Variants in PPP1CB observed in about 807,000 individuals in gnomAD.
The protein encoded by PPP1CB is serine/threonine-protein phosphatase PP1-beta catalytic subunit.
A neutral mutation model predicts 43.7 loss-of-function variants in PPP1CB; 2 were observed. The observed-to-expected ratio is 0.05, with a 90% CI of 0.02 to 0.14. PPP1CB has a LOEUF of 0.14. Ranked by LOEUF, PPP1CB falls within the 10% of genes least tolerant of loss-of-function variation. The pLI is 1.00. For synonymous variants in PPP1CB, 136 were observed against 135.6 expected, an observed-to-expected ratio of 1.00 and a Z score of -0.02; for missense variants, 84 against 398.0, an observed-to-expected ratio of 0.21 and a Z score of 6.71.
chr2:28,772,680 C>T lies in PPP1CB; in HGVS notation c.53-4171C>T, dbSNP rs115161794. Among the ~76,000 whole-genome samples, 1,125 of 152,208 alleles carry T rather than the reference C, an allele frequency of 7.4e-3. 11 individuals carry two copies. The highest frequency in any genetic ancestry group is 0.026 in the African/African-American group (1,070 of 41,530). ...GAATACAGGTTGAATATTTTTTATC[C>T]AAAATGCTTGGGACCCCAAGTGTTT... is the stretch of plus-strand genomic sequence containing the variant. On this transcript the variant is annotated intron_variant, in intron 1 of 7. Transcript: ENST00000395366.
chr2:28,781,596 T>C (rs556895942), intron 3 of PPP1CB, 142 bp from the exon 4 acceptor site: 1 of 627,818 alleles, frequency 1.6e-6, no homozygotes, highest in Admixed American at 3.3e-5. Flanking sequence ...AATAACATCT[T>C]TGCATTGTAG....
chr2:28,753,555 A>G (rs536064755), intron 1 of PPP1CB, among the ~76,000 whole-genome samples: 1 of 152,336 alleles, frequency 6.6e-6, no homozygotes, highest in Admixed American at 6.5e-5. Flanking sequence ...TGGTGCCTGC[A>G]GTCAGTGTTC....
chr2:28,791,580 G>A (rs1667386308), intron 6 of PPP1CB, among the ~76,000 whole-genome samples: 2 of 151,930 alleles, frequency 1.3e-5, no homozygotes, highest in South Asian at 2.1e-4. Flanking sequence ...TGCCCGCCTC[G>A]GCCTCCCAAA....
chr2:28,773,950 G>A (rs1202690356), intron 1 of PPP1CB, among the ~76,000 whole-genome samples: 1 of 152,118 alleles, frequency 6.6e-6, no homozygotes, highest in Non-Finnish European at 1.5e-5. Context: ...GCTTTTAATT[G>A]CAAGAGTCTC....
Position 28,754,107 on chromosome 2 carries a change from T to C in PPP1CB, c.52+1931T>C, listed in dbSNP as rs115606487. 6.5e-3 allele frequency among the ~76,000 whole-genome samples: 992 copies of C among 152,332 alleles called. 10 individuals carry two copies. The highest frequency in any genetic ancestry group is 0.022 in the African/African-American group (899 of 41,572). Reference sequence around the variant, plus strand: ...AAATATGTTTGTATCTCAATTTATTTATATTTTATTTCATTTTCCATATAT... The same window carrying C: ...AAATATGTTTGTATCTCAATTTATTCATATTTTATTTCATTTTCCATATAT... On this transcript the variant is annotated intron_variant, in intron 1 of 7. Coordinates refer to ENST00000395366, the MANE Select transcript of PPP1CB (RefSeq NM_002709.3).
rs148491392 is a variant in PPP1CB, at chr2:28,762,654, C to T, written c.52+10478C>T. Among the ~76,000 whole-genome samples, 147 of 152,224 alleles carry T rather than the reference C, an allele frequency of 9.7e-4. 1 individual carries two copies. In the East Asian group the frequency reaches 0.024, roughly 25 times the overall value. On this transcript the variant is annotated intron_variant, in intron 1 of 7. Coordinates refer to ENST00000395366, the MANE Select transcript of PPP1CB (RefSeq NM_002709.3). ...GAGATGTGGAATCTGAAATTATATC[C>T]ATGAATTTTTATGTTCTCTTACATT...
intron 4 of PPP1CB, among the ~76,000 whole-genome samples, chr2:28,783,637 G>A (rs757088623): frequency 6.6e-6 from 1 of 151,898 alleles, no homozygotes; most frequent in African/African-American, 2.4e-5. Flanking sequence ...CGCGTCTGTA[G>A]TCCCAGCTAC....
chr2:28,800,015 A>G lies in PPP1CB; in HGVS notation c.*712A>G, dbSNP rs1308892243. On this transcript the variant is annotated 3_prime_UTR_variant, in exon 8 of 8. Transcript: ENST00000395366. ...TATACAGGAATTGACACTGATTTGG[A>G]TTTGTGCACTCTAATTTTTAACTTA... 1 of 152,408 alleles carries G rather than the reference A, an allele frequency of 6.6e-6. No individual in the cohort carries two copies. Among genetic ancestry groups the G allele is most frequent in the Non-Finnish European group, 1.5e-5 (1 of 67,932 alleles). 9.4% of individuals were successfully genotyped at this position (152,408 alleles called of 1,614,324 possible).
chr2:28,794,035 T>C (rs1667444460), intron 7 of PPP1CB, 38 bp downstream of exon 7: 2 of 1,494,312 alleles, frequency 1.3e-6, no homozygotes, highest in Non-Finnish European at 1.8e-6. Context: ...ACTAGAAATC[T>C]AATAAAAACT....
At chr2:28,764,824 G>C (rs554845468) in intron 1 of PPP1CB, among the ~76,000 whole-genome samples, 66 of 152,176 alleles carry the variant, frequency 4.3e-4, no homozygotes, top group Non-Finnish European at 6.3e-4. Context: ...AGTAGATTGA[G>C]GTAGGAGATT....
chr2:28,759,615 C>CT (rs553922624), intron 1 of PPP1CB, among the ~76,000 whole-genome samples: 32 of 145,712 alleles, frequency 2.2e-4, no homozygotes, highest in South Asian at 4.4e-4. Context: ...ATATATTTAC[C>CT]TTTTTTTTTT....
At chr2:28,796,903 G>A (rs1257233189) in intron 7 of PPP1CB, among the ~76,000 whole-genome samples, 1 of 152,088 alleles carries the variant, frequency 6.6e-6, no homozygotes, top group African/African-American at 2.4e-5. Flanking sequence ...TACGATGTTG[G>A]CTGTGGGTTT....
chr2:28,780,084 C>CTTTTTTTTTTTTTTTTTTTTTTTTTTTTT (rs10559224), intron 3 of PPP1CB, among the ~76,000 whole-genome samples: 5 of 131,796 alleles, frequency 3.8e-5, no homozygotes, highest in Non-Finnish European at 6.4e-5. Flanking sequence ...TCTTTTCTTT[C>CTTTTTTTTTTTTTTTTTTTTTTTTTTTTT]TTTTTTTTTT....
Position 28,800,651 on chromosome 2 carries a change from AT to A in PPP1CB, c.*1352del. On this transcript the variant is annotated 3_prime_UTR_variant, in exon 8 of 8. Transcript: ENST00000395366. ...AATGAGTAGAAAAGTTAACATGAAGATTTTAGAAGGAGAGAACTTACAGGAC... is the reference window on the plus strand; with the variant it reads ...AATGAGTAGAAAAGTTAACATGAAGATTTAGAAGGAGAGAACTTACAGGAC... The A allele has an allele frequency of 1.3e-5, 2 of 152,502 alleles. No homozygotes were observed. Among genetic ancestry groups the A allele is most frequent in the South Asian group, 4.2e-4 (2 of 4,818 alleles). 9.4% of individuals were successfully genotyped at this position (152,502 alleles called of 1,614,324 possible).
chr2:28,755,468 T>G (rs1048249092), intron 1 of PPP1CB, among the ~76,000 whole-genome samples: 2 of 152,242 alleles, frequency 1.3e-5, no homozygotes. Context: ...TTGGATTAAC[T>G]TTTGCTTAGA....
chr2:28,798,934 A>G (rs1297852455), intron 7 of PPP1CB, among the ~76,000 whole-genome samples: 2 of 135,438 alleles, frequency 1.5e-5, no homozygotes, highest in Non-Finnish European at 3.2e-5. Flanking sequence ...CTCACAACAG[A>G]GATACACTAA....
Position 28,788,677 on chromosome 2 carries a change from A to G in PPP1CB, c.612A>G (p.Leu204=), listed in dbSNP as rs190433160. ...VPDTGLLCDL[L]WSDPDKDVQG... Reference sequence around the variant, plus strand: ...TTAAAGGTTTGCTCTGTGATTTGCTATGGTCTGATCCAGATAAGGATGTGC... The same window carrying G: ...TTAAAGGTTTGCTCTGTGATTTGCTGTGGTCTGATCCAGATAAGGATGTGC... The change falls in exon 6 of 8, where the codon CTA becomes CTG. Residue 204 remains leucine, a synonymous_variant. Coordinates refer to ENST00000395366, the MANE Select transcript of PPP1CB (RefSeq NM_002709.3). 101 of 1,613,084 alleles carry G rather than the reference A, an allele frequency of 6.3e-5. No individual in the cohort carries two copies. Among genetic ancestry groups the G allele is most frequent in the South Asian group, 2.4e-4 (22 of 90,768 alleles).
rs971238944 is a variant in PPP1CB, at chr2:28,801,615, C to T, written c.*2312C>T. 7 of 152,060 alleles carry T rather than the reference C, an allele frequency of 4.6e-5. No individual in the cohort carries two copies. The highest frequency in any genetic ancestry group is 1.7e-4 in the African/African-American group (7 of 41,418). The allele number at this position is 152,060 out of a possible 1,614,324, so 9.4% of individuals were successfully genotyped here. A position where few individuals can be genotyped will look rare whatever the true frequency, so the allele number is the denominator to read the frequency against. ...CTTTACAAATATTTGCTTGGCAACA[C>T]GACTTGAAATAAATAAAACTTTGTT... On this transcript the variant is annotated 3_prime_UTR_variant, in exon 8 of 8. Transcript: ENST00000395366.
At chr2:28,781,690 G>A in intron 3 of PPP1CB, 48 bp from the exon 4 acceptor site, 1 of 1,273,838 alleles carries the variant, frequency 7.9e-7, no homozygotes, top group Non-Finnish European at 1.1e-6. Context: ...GATAACTGAT[G>A]AGAACAGTTT....
Sources: gnomAD v4.1 joint callset for allele counts (sites outside exome capture counted in the v4.1 genomes callset) on GRCh38, gnomAD v4.1.1 for gene constraint, MANE v1.5 for transcripts, NCBI Gene and HGNC (gene_info 2026-07-23, HGNC 2026-07-21) for gene names.